PCSK7: variants seen among roughly 807,000 people sequenced by gnomAD.
The protein encoded by PCSK7 is proprotein convertase subtilisin/kexin type 7.
Under a neutral mutation model 73.3 loss-of-function variants are expected in PCSK7, and 38 were observed. The ratio of observed to expected loss-of-function variants is 0.52; its 90% confidence interval spans 0.40 to 0.68. The LOEUF (loss-of-function observed/expected upper bound fraction) is 0.68, where lower values mean the gene tolerates loss of function less well. PCSK7 is among the 30% of genes least tolerant of loss of function. PCSK7 has a pLI of 0.00. For synonymous variants in PCSK7, 296 were observed against 383.8 expected, an observed-to-expected ratio of 0.77 and a Z score of 2.68; for missense variants, 692 against 991.5, an observed-to-expected ratio of 0.70 and a Z score of 4.06.
intron 5 of PCSK7, 140 bp from the exon 6 acceptor site, chr11:117,226,161 A>C: frequency 1.6e-6 from 1 of 618,982 alleles, no homozygotes; most frequent in Non-Finnish European, 2.9e-6. Context: ...TTTTTGAGAT[A>C]AAGTCTTACT....
Position 117,218,393 on chromosome 11 carries a change from C to T in PCSK7, c.1534+73G>A, listed in dbSNP as rs907921322. 7.0e-5 allele frequency: 53 copies of T among 758,106 alleles called. No homozygotes were observed. The East Asian group carries it at 7.2e-4, about 10-fold the overall frequency. The allele number at this position is 758,106 out of a possible 1,614,324, so 47.0% of individuals were successfully genotyped here. Reference sequence around the variant, plus strand: ...AGGGGGTAGAATCTGGCAGGGAGGACGAGTTTAACTTCCTTGTCACCCGGC... The same window carrying T: ...AGGGGGTAGAATCTGGCAGGGAGGATGAGTTTAACTTCCTTGTCACCCGGC... On this transcript the variant is annotated intron_variant, in intron 12 of 16. Transcript: ENST00000320934. This position sits in a 1 kb window ranked among gnomAD's most constrained non-coding sequence, Gnocchi z 4.0.
At chr11:117,228,771 C>A (rs2032528386) in intron 3 of PCSK7, among the ~76,000 whole-genome samples, 2 of 152,094 alleles carry the variant, frequency 1.3e-5, no homozygotes, top group South Asian at 4.2e-4. Context: ...CAGGCGCCTG[C>A]CACCACGCCT....
chr11:117,231,848 C>T lies in PCSK7; in HGVS notation c.-133+179G>A, dbSNP rs928148768. The stretch of plus-strand genomic sequence containing the variant: ...ATCGCTCCGTGCAATGTGCCCCTCT[C>T]CTCATTAGCACCCACATTATCCAGG... On this transcript the variant is annotated intron_variant, in intron 1 of 16. Coordinates refer to ENST00000320934, the MANE Select transcript of PCSK7 (RefSeq NM_004716.4). 2.0e-5 allele frequency: 3 copies of T among 152,572 alleles called. No individual in the cohort carries two copies. In the East Asian group the frequency reaches 5.8e-4, roughly 29 times the overall value. The allele number at this position is 152,572 out of a possible 1,614,324, so 9.5% of individuals were successfully genotyped here.
At chr11:117,215,380 G>GTGTGTGTGTGTATATA (rs1164738557) in intron 12 of PCSK7, 2 of 55,902 alleles carry the variant, frequency 3.6e-5, no homozygotes, top group Non-Finnish European at 5.6e-5. Context: ...GTGTGTGTGT[G>GTGTGTGTGTGTATATA]TATATATATA....
Position 117,226,116 on chromosome 11 carries a change from C to T in PCSK7, c.770-95G>A. 4.9e-5 allele frequency: 37 copies of T among 762,628 alleles called. No homozygotes were observed. The South Asian group carries it at 5.0e-4, about 10-fold the overall frequency. 47.2% of individuals were successfully genotyped at this position (762,628 alleles called of 1,614,324 possible). On this transcript the variant is annotated intron_variant, in intron 5 of 16. Coordinates refer to ENST00000320934, the MANE Select transcript of PCSK7 (RefSeq NM_004716.4). ...AGCCATATGTGGGAGACTTATTTTTCCCTACATGCTCTTTGTACATTTTGC... is the reference window on the plus strand; with the variant it reads ...AGCCATATGTGGGAGACTTATTTTTTCCTACATGCTCTTTGTACATTTTGC...
chr11:117,221,599 A>G (rs919801906), intron 9 of PCSK7: 3 of 152,250 alleles, frequency 2.0e-5, no homozygotes, highest in Admixed American at 6.5e-5. Context: ...CATTCCAAAG[A>G]TGGGAACTCT....
At chr11:117,223,105 T>C (rs1225176035) in intron 9 of PCSK7, 103 bp downstream of exon 9, 2 of 761,826 alleles carry the variant, frequency 2.6e-6, no homozygotes, top group African/African-American at 1.7e-5. Context: ...GGAGCCTGAG[T>C]GTTGGGGCGG....
At chr11:117,213,480 TG>T (rs1008536867) in intron 12 of PCSK7, 27 of 152,288 alleles carry the variant, frequency 1.8e-4, no homozygotes, top group African/African-American at 6.3e-4. Flanking sequence ...TCTAAAATTT[TG>T]TACATGTTAA....
Position 117,204,464 on chromosome 11 carries a change from C to T in PCSK7, c.*1533G>A. The T allele has an allele frequency of 6.4e-7, 1 of 1,553,066 alleles. No individual in the cohort carries two copies. The highest frequency in any genetic ancestry group is 1.2e-5 in the South Asian group (1 of 86,762). ...ACCCGTGTGGTACCTTCAGCCCTGG[C>T]CAAGCTTTGAGGCTCTGTCACTGAG... On this transcript the variant is annotated 3_prime_UTR_variant, in exon 17 of 17. Coordinates refer to ENST00000320934, the MANE Select transcript of PCSK7 (RefSeq NM_004716.4).
chr11:117,219,295 T>C, intron 10 of PCSK7, 131 bp from the exon 11 acceptor site: 1 of 710,632 alleles, frequency 1.4e-6, no homozygotes, highest in Admixed American at 2.6e-5. Context: ...TGGGAATGGA[T>C]TCCCCAAGGC....
rs891584605 is a variant in PCSK7, at chr11:117,218,271, C to G, written c.1534+195G>C. 1 of 248,362 alleles carries G rather than the reference C, an allele frequency of 4.0e-6. No homozygotes were observed. The highest frequency in any genetic ancestry group is 5.6e-5 in the Admixed American group (1 of 17,822). The allele number at this position is 248,362 out of a possible 1,614,324, so 15.4% of individuals were successfully genotyped here. On this transcript the variant is annotated intron_variant, in intron 12 of 16. Coordinates refer to ENST00000320934, the MANE Select transcript of PCSK7 (RefSeq NM_004716.4). This position sits in a 1 kb window ranked among gnomAD's most constrained non-coding sequence, Gnocchi z 4.0. ...ACTACTAGGAACCCAGGAGAAAGGT[C>G]TTGTTTAAGCAGCTGGGGGAGCCAA...
chr11:117,228,078 G>T, intron 4 of PCSK7, 138 bp downstream of exon 4: 1 of 751,154 alleles, frequency 1.3e-6, no homozygotes, highest in Non-Finnish European at 2.2e-6. Flanking sequence ...CTAGGGAAAA[G>T]AAGAGGATGA....
chr11:117,210,142 T>C (rs1374045485), intron 12 of PCSK7: 2 of 152,214 alleles, frequency 1.3e-5, no homozygotes, highest in African/African-American at 4.8e-5. Context: ...AAATAAGCTC[T>C]ATGGATTGTA....
chr11:117,206,512 C>A (rs1414668344), intron 16 of PCSK7, 156 bp from the exon 17 acceptor site: 2 of 935,060 alleles, frequency 2.1e-6, no homozygotes, highest in East Asian at 5.4e-5. Context: ...CAAGGCCTGT[C>A]CTGTAAGAGT....
At chr11:117,212,324 C>G (rs181348286) in intron 12 of PCSK7, 1 of 151,974 alleles carries the variant, frequency 6.6e-6, no homozygotes, top group East Asian at 1.9e-4. Context: ...GAGAATCTAA[C>G]AAATCATGCC....
At chr11:117,217,219 T>G (rs1193142311) in intron 12 of PCSK7, 1 of 152,240 alleles carries the variant, frequency 6.6e-6, no homozygotes, top group African/African-American at 2.4e-5. Flanking sequence ...CGTCCCCTGG[T>G]CAGCAGGAAG....
At chr11:117,222,092 C>G (rs79697731) in intron 9 of PCSK7, 3,635 of 152,354 alleles carry the variant, frequency 0.024, 75 homozygotes, top group South Asian at 0.098. Flanking sequence ...CCAGAGAGAT[C>G]TCCCGACTCA....
At chr11:117,225,102 C>A (rs937024655) in intron 6 of PCSK7, 1 of 172,688 alleles carries the variant, frequency 5.8e-6, no homozygotes, top group South Asian at 1.5e-4. Context: ...TCCTCTGTTG[C>A]CCAGGCTGAA....
intron 6 of PCSK7, 160 bp downstream of exon 6, chr11:117,225,771 T>C (rs1366165627): frequency 1.3e-5 from 8 of 632,548 alleles, no homozygotes; most frequent in Non-Finnish European, 2.3e-5. Context: ...GAGTGCCCAG[T>C]GGCTGGGAAT....
Sources: gnomAD v4.1 joint callset for allele counts (sites outside exome capture counted in the v4.1 genomes callset) on GRCh38, gnomAD v4.1.1 for gene constraint, Gnocchi (gnomAD v3.1) non-coding constraint, MANE v1.5 for transcripts, NCBI Gene and HGNC (gene_info 2026-07-23, HGNC 2026-07-21) for gene names.